TAFA1: variants seen among roughly 807,000 people sequenced by gnomAD.
The protein encoded by TAFA1 is TAFA chemokine like family member 1, also known as chemokine-like protein TAFA-1.
A neutral mutation model predicts 18.5 loss-of-function variants in TAFA1; 4 were observed. The observed-to-expected ratio is 0.22, with a 90% CI of 0.11 to 0.49. The LOEUF (loss-of-function observed/expected upper bound fraction) is 0.49, where lower values mean the gene tolerates loss of function less well. TAFA1 is among the 20% of genes least tolerant of loss of function. TAFA1 has a pLI of 0.98. For missense variants in TAFA1, 147 were observed against 169.0 expected, an observed-to-expected ratio of 0.87 and a Z score of 0.72; for synonymous variants, 56 against 55.2, an observed-to-expected ratio of 1.01 and a Z score of -0.06.
chr3:68,400,441 T>C (rs1239850974), intron 2 of TAFA1, among the ~76,000 whole-genome samples: 3 of 152,202 alleles, frequency 2.0e-5, no homozygotes, highest in African/African-American at 7.2e-5. Context: ...ACTAAGTCTA[T>C]ACATACAATG....
chr3:68,222,128 T>C (rs1255911831), intron 2 of TAFA1, among the ~76,000 whole-genome samples: 3 of 152,210 alleles, frequency 2.0e-5, no homozygotes, highest in Non-Finnish European at 2.9e-5. Context: ...ATCATGGTTC[T>C]GATTTACAAG....
intron 2 of TAFA1, among the ~76,000 whole-genome samples, chr3:68,326,432 G>A (rs2068778921): frequency 6.6e-6 from 1 of 152,140 alleles, no homozygotes; most frequent in South Asian, 2.1e-4. Context: ...TGGGTTCACT[G>A]GTCATATCTG....
chr3:68,278,360 G>A (rs375023737), intron 2 of TAFA1, among the ~76,000 whole-genome samples: 11 of 152,140 alleles, frequency 7.2e-5, no homozygotes, highest in East Asian at 1.9e-4. Context: ...CCCACTACCC[G>A]TCACCCAGCT....
At chr3:68,157,140 A>G (rs1260497426) in intron 2 of TAFA1, among the ~76,000 whole-genome samples, 1 of 152,242 alleles carries the variant, frequency 6.6e-6, no homozygotes, top group African/African-American at 2.4e-5. Context: ...GAAAGCTGGG[A>G]AAGCTATTAT....
At chr3:68,023,361 C>A (rs1704739992) in intron 2 of TAFA1, among the ~76,000 whole-genome samples, 1 of 152,010 alleles carries the variant, frequency 6.6e-6, no homozygotes, top group South Asian at 2.1e-4. Context: ...TTCACCGTGG[C>A]AGAAAAAGGA....
intron 3 of TAFA1, among the ~76,000 whole-genome samples, chr3:68,505,378 AG>A (rs1275877584): frequency 6.6e-6 from 1 of 152,136 alleles, no homozygotes; most frequent in Non-Finnish European, 1.5e-5. Flanking sequence ...TGCAAGTTTA[AG>A]GGTCACATTT....
At chr3:68,141,518 T>TA (rs2065666950) in intron 2 of TAFA1, among the ~76,000 whole-genome samples, 1 of 152,216 alleles carries the variant, frequency 6.6e-6, no homozygotes, top group Non-Finnish European at 1.5e-5. Flanking sequence ...CCTCTGCCCT[T>TA]ACAATCTACC....
intron 2 of TAFA1, among the ~76,000 whole-genome samples, chr3:68,255,589 A>T (rs1050065054): frequency 6.6e-6 from 1 of 152,112 alleles, no homozygotes; most frequent in Non-Finnish European, 1.5e-5. Flanking sequence ...CGTTCAGGTG[A>T]TGCCAGGGTC....
intron 3 of TAFA1, among the ~76,000 whole-genome samples, chr3:68,471,207 T>A (rs542821454): frequency 6.6e-6 from 1 of 152,232 alleles, no homozygotes; most frequent in Admixed American, 6.5e-5. Context: ...AATGTCTGAA[T>A]GTCCAGGCAG....
intron 2 of TAFA1, among the ~76,000 whole-genome samples, chr3:68,277,242 T>G (rs1390432983): frequency 6.6e-6 from 1 of 152,202 alleles, no homozygotes; most frequent in Non-Finnish European, 1.5e-5. Flanking sequence ...GGCAATCGTT[T>G]GGCTGTCAGT....
chr3:68,088,813 C>T (rs1186359927), intron 2 of TAFA1, among the ~76,000 whole-genome samples: 1 of 152,132 alleles, frequency 6.6e-6, no homozygotes, highest in African/African-American at 2.4e-5. Flanking sequence ...GTGGAAAGAC[C>T]AGCTGGAAGG....
chr3:68,331,267 G>A (rs1404188508), intron 2 of TAFA1, among the ~76,000 whole-genome samples: 1 of 152,092 alleles, frequency 6.6e-6, no homozygotes, highest in African/African-American at 2.4e-5. Context: ...TAAATAAATG[G>A]TTGCTAGGGT....
At chr3:68,313,206 T>C (rs1237453119) in intron 2 of TAFA1, among the ~76,000 whole-genome samples, 1 of 152,232 alleles carries the variant, frequency 6.6e-6, no homozygotes, top group East Asian at 1.9e-4. Flanking sequence ...ATGTTGCTTA[T>C]AACATTAATG....
At chr3:68,211,313 G>A (rs751338790) in intron 2 of TAFA1, among the ~76,000 whole-genome samples, 31 of 152,026 alleles carry the variant, frequency 2.0e-4, no homozygotes, top group Non-Finnish European at 4.1e-4. Context: ...CTTACAAAGT[G>A]TATATTCTAT....
intron 2 of TAFA1, among the ~76,000 whole-genome samples, chr3:68,255,030 G>T (rs1023131990): frequency 2.0e-5 from 3 of 152,040 alleles, no homozygotes; most frequent in African/African-American, 7.2e-5. Context: ...AAAGATATTT[G>T]GTTTACAACA....
At chr3:68,095,490 C>T (rs1336434455) in intron 2 of TAFA1, among the ~76,000 whole-genome samples, 1 of 152,022 alleles carries the variant, frequency 6.6e-6, no homozygotes, top group Non-Finnish European at 1.5e-5. Context: ...AAATCAGGAC[C>T]CACTTTCCAT....
chr3:68,378,756 C>T (rs1202557442), intron 2 of TAFA1, among the ~76,000 whole-genome samples: 2 of 152,118 alleles, frequency 1.3e-5, no homozygotes, highest in Non-Finnish European at 2.9e-5. Context: ...AGGTTTTCGC[C>T]ATGCTGTTCT....
intron 2 of TAFA1, among the ~76,000 whole-genome samples, chr3:68,252,071 G>C (rs925927604): frequency 6.6e-6 from 1 of 152,136 alleles, no homozygotes; most frequent in African/African-American, 2.4e-5. Flanking sequence ...TAAAGACAAT[G>C]AGATCTCTTT....
At chr3:68,000,571 A>G (rs1704272952), upstream of TAFA1, among the ~76,000 whole-genome samples, 1 of 152,238 alleles carries the variant, frequency 6.6e-6, no homozygotes, top group Non-Finnish European at 1.5e-5. Context: ...AACCATGGAC[A>G]TAAGATTTGG....
Sources: allele counts gnomAD v4.1 joint callset (sites outside exome capture counted in the v4.1 genomes callset), GRCh38; gene constraint gnomAD v4.1.1; transcripts MANE v1.5; gene names NCBI Gene and HGNC (gene_info 2026-07-23, HGNC 2026-07-21).